STT3A: variants seen among roughly 807,000 people sequenced by gnomAD.
STT3A encodes STT3 oligosaccharyltransferase complex catalytic subunit A.
In STT3A, 34 loss-of-function variants were observed where a neutral mutation model predicts 89.2. That is an observed-to-expected ratio of 0.38 (90% CI 0.29 to 0.51). The LOEUF (loss-of-function observed/expected upper bound fraction) is 0.51, where lower values mean the gene tolerates loss of function less well. STT3A is among the 20% of genes least tolerant of loss of function. The pLI is 0.89. For synonymous variants in STT3A, 282 were observed against 310.3 expected (o/e 0.91, Z 0.96); for missense variants, 555 against 889.5 (o/e 0.62, Z 4.78).
chr11:125,593,502 G>A (rs1458536049), intron 1 of STT3A: 1 of 152,210 alleles, frequency 6.6e-6, no homozygotes, highest in African/African-American at 2.4e-5. Context: ...CAAAGAGCAC[G>A]AGATGAAATC....
At chr11:125,616,700 C>CA (rs1216637805) in intron 15 of STT3A, among the ~76,000 whole-genome samples, 1 of 152,148 alleles carries the variant, frequency 6.6e-6, no homozygotes, top group Non-Finnish European at 1.5e-5. Flanking sequence ...GTTTTTGAGA[C>CA]AGAGTTTCAC....
upstream of STT3A, chr11:125,592,721 T>G (rs12277295): frequency 3.1e-5 from 9 of 291,654 alleles, no homozygotes; most frequent in Admixed American, 2.7e-4. Flanking sequence ...ATTAAAAACT[T>G]GAATCGCGGC....
rs111946354 is a variant in STT3A at position 125,614,046 on chromosome 11, A to G, written c.1555-41A>G. 5.2e-6 allele frequency: 8 copies of G among 1,548,230 alleles called. No individual in the cohort carries two copies. In the African/African-American group the frequency reaches 1.2e-4, roughly 24 times the overall value. On this transcript the variant is annotated intron_variant, in intron 13 of 17. Coordinates refer to ENST00000392708, the MANE Select transcript of STT3A (RefSeq NM_152713.5). This position sits in a 1 kb window ranked among gnomAD's most constrained non-coding sequence, Gnocchi z 4.9. ...TCTGTTGCATTTGATTTTTAGAGAC[A>G]GTGAGAAGCTTGTTATTTCCATTTC...
chr11:125,617,400 G>C (rs1940208419), intron 15 of STT3A, among the ~76,000 whole-genome samples: 1 of 152,128 alleles, frequency 6.6e-6, no homozygotes, highest in South Asian at 2.1e-4. Flanking sequence ...TTCAAACTTA[G>C]GCAGTTTGGA....
intron 3 of STT3A, 63 bp from the exon 4 acceptor site, chr11:125,602,240 A>G (rs1939704892): frequency 3.9e-6 from 6 of 1,558,042 alleles, no homozygotes; most frequent in Middle Eastern, 1.7e-4. Context: ...GAATTTCTCA[A>G]TGGTGTATCC....
chr11:125,611,352 T>C (rs368886048), intron 10 of STT3A, 76 bp from the exon 11 acceptor site: 1 of 1,108,740 alleles, frequency 9.0e-7, no homozygotes, highest in East Asian at 2.4e-5. Flanking sequence ...CATCCAGTCA[T>C]ATAATGAAGA....
In STT3A at chr11:125,597,075, G is replaced by A. The variant is rs201391299; in HGVS notation, c.105G>A (p.Leu35=). 1.5e-5 allele frequency: 25 copies of A among 1,613,868 alleles called. No individual in the cohort carries two copies. Among genetic ancestry groups the A allele is most frequent in the Non-Finnish European group, 1.9e-5 (22 of 1,179,996 alleles). The change falls in exon 3 of 18, where the codon CTG becomes CTA. Residue 35 remains leucine, a synonymous_variant. Transcript: ENST00000392708. ...TTTTTGCAGCCTTCTCCACTCGTCT[G>A]TTTGCTGTCCTGAGATTTGAAAGTG... ...MAAVLSFSTR[L]FAVLRFESVI...
In STT3A at chr11:125,612,740, A is replaced by G; in HGVS notation, c.1358A>G (p.Lys453Arg). 2 of 1,613,896 alleles carry G rather than the reference A, an allele frequency of 1.2e-6. No individual in the cohort carries two copies. Among genetic ancestry groups the G allele is most frequent in the Non-Finnish European group, 1.7e-6 (2 of 1,179,904 alleles). ...CAACAGGATTCCACCTACCCTATTAAGAATGAAGTGAGAAGCAATGTTAAG... is the reference window on the plus strand; with the variant it reads ...CAACAGGATTCCACCTACCCTATTAGGAATGAAGTGAGAAGCAATGTTAAG... ...KKQQDSTYPI[K>R]NEVASGMILV... The change falls in exon 12 of 18, where the codon AAG becomes AGG. Residue 453 changes from lysine to arginine, a missense_variant. Transcript: ENST00000392708.
upstream of STT3A, among the ~76,000 whole-genome samples, chr11:125,592,249 GGTCCATCGCAGTTACCAA>G (rs1939317539): frequency 6.6e-6 from 1 of 152,174 alleles, no homozygotes; most frequent in African/African-American, 2.4e-5. Flanking sequence ...AAGGTTCCCA[GGTCCATCGCAGTTACCAA>G]GGCACAGTAA....
intron 15 of STT3A, among the ~76,000 whole-genome samples, chr11:125,616,000 C>T (rs1798080459): frequency 6.6e-6 from 1 of 152,168 alleles, no homozygotes; most frequent in Admixed American, 6.5e-5. Flanking sequence ...GATTGCGCCA[C>T]TGCACCCCAG....
intron 1 of STT3A, among the ~76,000 whole-genome samples, chr11:125,595,636 A>G (rs1360851456): frequency 6.6e-6 from 1 of 152,150 alleles, no homozygotes; most frequent in Non-Finnish European, 1.5e-5. Context: ...GGAGTGGGAA[A>G]TAGAATTATG....
chr11:125,606,399 G>A lies in STT3A; in HGVS notation c.714G>A (p.Val238=). The change falls in exon 8 of 18, where the codon GTG becomes GTA. Residue 238 remains valine (V), a synonymous_variant. Coordinates refer to ENST00000392708, the MANE Select transcript of STT3A (RefSeq NM_152713.5). ...LTGRFSHRIY[V]AYCTVYCLGT... Reference sequence around the variant, plus strand: ...GCCGTTTCTCTCACCGGATCTATGTGGCCTACTGTACTGTTTACTGCCTGG... The same window carrying A: ...GCCGTTTCTCTCACCGGATCTATGTAGCCTACTGTACTGTTTACTGCCTGG... The A allele has an allele frequency of 6.2e-7, 1 of 1,614,156 alleles. No homozygotes were observed. The highest frequency in any genetic ancestry group is 8.5e-7 in the Non-Finnish European group (1 of 1,180,032).
intron 4 of STT3A, 42 bp downstream of exon 4, chr11:125,602,466 G>C (rs887787831): frequency 2.0e-5 from 29 of 1,458,486 alleles, no homozygotes; most frequent in Admixed American, 5.2e-5. Flanking sequence ...AAAAAAAACA[G>C]AAATATTTGT....
At chr11:125,615,910 A>T (rs942936422) in intron 15 of STT3A, among the ~76,000 whole-genome samples, 1 of 152,168 alleles carries the variant, frequency 6.6e-6, no homozygotes, top group Non-Finnish European at 1.5e-5. Flanking sequence ...GTGGTGGCAC[A>T]TACTTGTAAT....
At chr11:125,620,322 T>C (rs971801798) in intron 17 of STT3A, among the ~76,000 whole-genome samples, 196 bp downstream of exon 17, 1 of 152,214 alleles carries the variant, frequency 6.6e-6, no homozygotes, top group East Asian at 1.9e-4. Flanking sequence ...CAGTCTGCCA[T>C]CATTTTGGCG....
rs6590153 is a variant in STT3A, at chr11:125,608,314, C to T, written c.961+25C>T. The T allele has an allele frequency of 0.36, 568,822 of 1,561,160 alleles. 105,384 individuals carry two copies. The highest frequency in any genetic ancestry group is 0.5 in the African/African-American group (36,244 of 72,114). On this transcript the variant is annotated intron_variant, in intron 9 of 17. Coordinates refer to ENST00000392708, the MANE Select transcript of STT3A (RefSeq NM_152713.5). ...GGTAGGGAAGGCTCACAGCTTTTTT[C>T]CTTTTTTCTTTTTTTTTAAGATGGA... is the stretch of plus-strand genomic sequence containing the variant.
rs1939842527 is a variant in STT3A, at chr11:125,606,444, G to A, written c.759G>A (p.Gln253=). The A allele has an allele frequency of 6.2e-7, 1 of 1,613,268 alleles. No individual in the cohort carries two copies. The highest frequency in any genetic ancestry group is 8.5e-7 in the Non-Finnish European group (1 of 1,179,806). The change falls in exon 8 of 18, where the codon CAG becomes CAA. Residue 253 remains glutamine, a synonymous_variant. Coordinates refer to ENST00000392708, the MANE Select transcript of STT3A (RefSeq NM_152713.5). The part of the protein sequence containing the change: ...VYCLGTILSM[Q]ISFVGFQPVL... ...GCCTGGGCACTATACTTTCTATGCA[G>A]ATCTCCTTTGTGGGTTTCCAGGTGA...
intron 3 of STT3A, among the ~76,000 whole-genome samples, chr11:125,599,067 G>A (rs1176240922): frequency 6.6e-6 from 1 of 152,194 alleles, no homozygotes; most frequent in African/African-American, 2.4e-5. Context: ...TGCAGAGGAG[G>A]AAACTGATTC....
intron 3 of STT3A, among the ~76,000 whole-genome samples, chr11:125,601,602 A>G (rs972515235): frequency 2.6e-5 from 4 of 152,132 alleles, no homozygotes; most frequent in African/African-American, 7.2e-5. Flanking sequence ...CAGCCTGGGC[A>G]ACAAGAGCGA....
Sources: allele counts gnomAD v4.1 joint callset (sites outside exome capture counted in the v4.1 genomes callset), GRCh38; gene constraint gnomAD v4.1.1; non-coding constraint Gnocchi (gnomAD v3.1); transcripts MANE v1.5; gene names NCBI Gene and HGNC (gene_info 2026-07-23, HGNC 2026-07-21).